Variants in TIAM1 observed in about 807,000 individuals in gnomAD.
TIAM1 encodes rho guanine nucleotide exchange factor TIAM1.
In TIAM1, 65 loss-of-function variants were observed where a neutral mutation model predicts 163.5. The observed-to-expected ratio is 0.40, with a 90% CI of 0.33 to 0.49. The LOEUF is 0.49. Ranked by LOEUF, TIAM1 falls within the 20% of genes least tolerant of loss-of-function variation. TIAM1 has a pLI of 0.77. For missense variants in TIAM1, 1,789 were observed against 2,044.7 expected (o/e 0.87, Z 2.41); for synonymous variants, 833 against 810.1 (o/e 1.03, Z -0.48).
Position 31,118,676 on chromosome 21 carries a change from C to T in TIAM1, c.*1692G>A, listed in dbSNP as rs1018806743. ...CCTCTGCTTCCGTTTTCCATCTGGA[C>T]GCGATCGAACCGGAGATGATATGGA... is the stretch of plus-strand genomic sequence containing the variant. On this transcript the variant is annotated 3_prime_UTR_variant, in exon 28 of 28. Transcript: ENST00000541036. The T allele has an allele frequency of 6.4e-6, 3 of 470,510 alleles. No individual in the cohort carries two copies. Among genetic ancestry groups the T allele is most frequent in the Non-Finnish European group, 8.8e-6 (2 of 226,936 alleles). 29.1% of individuals were successfully genotyped at this position (470,510 alleles called of 1,614,324 possible). A position where few individuals can be genotyped will look rare whatever the true frequency, so the allele number is the denominator to read the frequency against.
intron 1 of TIAM1, among the ~76,000 whole-genome samples, chr21:31,506,782 G>A (rs2047042673): frequency 6.6e-6 from 1 of 152,168 alleles, no homozygotes; most frequent in Non-Finnish European, 1.5e-5. Context: ...GCCAGGCATG[G>A]TGGCGCAAGC....
At position 31,411,022 on chromosome 21, in the gene TIAM1, T is replaced by G. The variant is rs1277023451; in HGVS notation, c.-369+52961A>C. ...CAAGTGGCTCCAAGGGTGAGTGGGC[T>G]CCTGACATTGAGGACAGGACTGTCC... On this transcript the variant is annotated intron_variant, in intron 2 of 28. Coordinates refer to the TIAM1 transcript ENST00000286827. Among the ~76,000 whole-genome samples the G allele has an allele frequency of 2.0e-5, 3 of 152,072 alleles. No individual in the cohort carries two copies. The East Asian group carries it at 5.8e-4, about 29-fold the overall frequency.
intron 9 of TIAM1, among the ~76,000 whole-genome samples, chr21:31,215,683 C>T (rs1601584561): frequency 6.6e-6 from 1 of 150,996 alleles, no homozygotes; most frequent in African/African-American, 2.4e-5. Flanking sequence ...GAAATGTTGA[C>T]TTTCCTCCAC....
intron 1 of TIAM1, among the ~76,000 whole-genome samples, chr21:31,544,533 C>A (rs559556713): frequency 2.0e-5 from 3 of 152,202 alleles, no homozygotes; most frequent in East Asian, 1.9e-4. Context: ...GAGGCTGAGG[C>A]AGGAGAATCA....
At chr21:31,475,061 AT>A (rs61360495) in intron 1 of TIAM1, among the ~76,000 whole-genome samples, 25,555 of 66,696 alleles carry the variant, frequency 0.38, 2,467 homozygotes, top group African/African-American at 0.42. Context: ...TATTATTATT[AT>A]TTAGTTTTAG....
rs138275283 is a variant in TIAM1, at chr21:31,403,995, C to A, written c.-369+59988G>T. Among the ~76,000 whole-genome samples, 124 of 152,264 alleles carry A rather than the reference C, an allele frequency of 8.1e-4. 1 individual carries two copies. The highest frequency in any genetic ancestry group is 2.7e-3 in the African/African-American group (112 of 41,564). ...GGCAAGCCAAGCAGGCGACACTTAG[C>A]CGCAACTCACACAGGGCTGTCATTG... On this transcript the variant is annotated intron_variant, in intron 2 of 28. Transcript: ENST00000286827.
intron 1 of TIAM1, among the ~76,000 whole-genome samples, chr21:31,522,033 G>T (rs1232766077): frequency 6.6e-6 from 1 of 151,702 alleles, no homozygotes; most frequent in Admixed American, 6.6e-5. Flanking sequence ...AACCACGCCC[G>T]GATAATTTTT....
intron 4 of TIAM1, among the ~76,000 whole-genome samples, chr21:31,259,432 C>T (rs780448789): frequency 6.6e-6 from 1 of 151,876 alleles, no homozygotes; most frequent in Non-Finnish European, 1.5e-5. Context: ...CCAATGCACC[C>T]GACCTAAGAA....
intron 6 of TIAM1, among the ~76,000 whole-genome samples, chr21:31,236,438 G>T (rs2088768078): frequency 6.6e-6 from 1 of 152,110 alleles, no homozygotes; most frequent in East Asian, 1.9e-4. Context: ...AGTCAACACG[G>T]AAACCAACAA....
rs116165924 is a variant in TIAM1 at position 31,165,099 on chromosome 21, A to G, written c.2888-34T>C. On this transcript the variant is annotated intron_variant, in intron 15 of 27. Coordinates refer to ENST00000541036, the MANE Select transcript of TIAM1 (RefSeq NM_001353694.2). ...TGAAATCAGAAGAAAATGTGGGTCA[A>G]CATGGACAGTAATTGCTAAAAGCCA... 419 of 1,606,822 alleles carry G rather than the reference A, an allele frequency of 2.6e-4. 2 individuals are homozygous for G. The African/African-American group carries it at 5.1e-3, about 20-fold the overall frequency.
At chr21:31,233,064 C>T (rs2833347) in intron 6 of TIAM1, among the ~76,000 whole-genome samples, 33,480 of 152,088 alleles carry the variant, frequency 0.22, 5,792 homozygotes, top group African/African-American at 0.46. Flanking sequence ...CCAGCTTCAA[C>T]TATCCAATGG....
At chr21:31,181,292 GA>G (rs966813793) in intron 15 of TIAM1, among the ~76,000 whole-genome samples, 43 of 152,274 alleles carry the variant, frequency 2.8e-4, no homozygotes, top group African/African-American at 9.6e-4. Flanking sequence ...CCAGTCTCAG[GA>G]AACACATTTA....
chr21:31,558,326 C>A (rs1029529330), intron 1 of TIAM1, among the ~76,000 whole-genome samples: 1 of 152,142 alleles, frequency 6.6e-6, no homozygotes, highest in Non-Finnish European at 1.5e-5. Flanking sequence ...TTAATGCCCC[C>A]CTCCGGGGGT....
intron 22 of TIAM1, 136 bp from the exon 23 acceptor site, chr21:31,136,177 A>G (rs907850038): frequency 4.3e-6 from 3 of 705,670 alleles, no homozygotes; most frequent in Non-Finnish European, 2.3e-6. Flanking sequence ...TTGCTTAAAT[A>G]TGTGAGATAA....
intron 9 of TIAM1, among the ~76,000 whole-genome samples, chr21:31,213,866 C>CAAA (rs35524539): frequency 1.8e-4 from 10 of 54,804 alleles, no homozygotes; most frequent in African/African-American, 2.5e-4. Context: ...CTCATCTCTA[C>CAAA]AAAAAAAAAA....
At chr21:31,440,697 A>G (rs1258987313) in intron 2 of TIAM1, among the ~76,000 whole-genome samples, 3 of 152,158 alleles carry the variant, frequency 2.0e-5, no homozygotes, top group African/African-American at 7.2e-5. Flanking sequence ...CCTGGCCAAC[A>G]TGGTGAAACC....
chr21:31,433,408 C>T (rs1046017258), intron 2 of TIAM1, among the ~76,000 whole-genome samples: 2 of 152,126 alleles, frequency 1.3e-5, no homozygotes, highest in East Asian at 1.9e-4. Flanking sequence ...AGAATGAAAA[C>T]GAATACATCA....
intron 9 of TIAM1, among the ~76,000 whole-genome samples, chr21:31,216,149 G>T (rs1342819750): frequency 6.6e-6 from 1 of 152,144 alleles, no homozygotes; most frequent in Non-Finnish European, 1.5e-5. Context: ...CATCCTGGGT[G>T]ACAGAGCGAG....
At chr21:31,478,621 C>A (rs1272048143) in intron 1 of TIAM1, among the ~76,000 whole-genome samples, 1 of 152,074 alleles carries the variant, frequency 6.6e-6, no homozygotes, top group African/African-American at 2.4e-5. Flanking sequence ...TTTTGTTTTT[C>A]TTTTTTTGTC....
Sources: gnomAD v4.1 joint callset for allele counts (sites outside exome capture counted in the v4.1 genomes callset) on GRCh38, gnomAD v4.1.1 for gene constraint, MANE v1.5 for transcripts, NCBI Gene and HGNC (gene_info 2026-07-23, HGNC 2026-07-21) for gene names.